TCF20: variants seen among roughly 807,000 people sequenced by gnomAD.
TCF20 encodes the protein transcription factor 20.
In TCF20, 3 loss-of-function variants were observed where a neutral mutation model predicts 148.6. The ratio of observed to expected loss-of-function variants is 0.02; its 90% CI spans 0.01 to 0.05. The LOEUF (loss-of-function observed/expected upper bound fraction) is 0.05, where lower values mean the gene tolerates loss of function less well. Among genes scored for constraint, TCF20 ranks in the 10% least tolerant of loss-of-function variants. The pLI, the probability that TCF20 is intolerant of heterozygous loss-of-function variation, is 1.00. For missense variants in TCF20, 2,350 were observed against 2,429.3 expected (o/e 0.97, Z 0.69); for synonymous variants, 1,049 against 909.5 (o/e 1.15, Z -2.76).
chr22:42,190,251 G>A (rs6002648), intron 2 of TCF20, among the ~76,000 whole-genome samples: 16 of 152,240 alleles, frequency 1.1e-4, no homozygotes, highest in African/African-American at 3.6e-4. Flanking sequence ...CTGAGGCCAG[G>A]AGTTCAAGAT....
At chr22:42,325,538 G>C (rs532801285) in intron 1 of TCF20, among the ~76,000 whole-genome samples, 1 of 152,224 alleles carries the variant, frequency 6.6e-6, no homozygotes, top group Non-Finnish European at 1.5e-5. Context: ...CACCAGCTCG[G>C]GGGGAGGGGA....
intron 1 of TCF20, among the ~76,000 whole-genome samples, chr22:42,249,004 G>A (rs1014935132): frequency 2.6e-5 from 4 of 152,204 alleles, no homozygotes; most frequent in African/African-American, 9.6e-5. Context: ...AGTAGGCAAG[G>A]AGAGCCCTCT....
intron 1 of TCF20, among the ~76,000 whole-genome samples, chr22:42,245,510 C>A (rs1924832440): frequency 6.6e-6 from 1 of 152,174 alleles, no homozygotes; most frequent in South Asian, 2.1e-4. Context: ...CTACTTCTCC[C>A]TTAAGAACTG....
chr22:42,236,996 T>C (rs1233814843), intron 1 of TCF20, among the ~76,000 whole-genome samples: 2 of 152,226 alleles, frequency 1.3e-5, no homozygotes, highest in Non-Finnish European at 2.9e-5. Flanking sequence ...TGATGGCTGC[T>C]GACTAATTAG....
chr22:42,261,064 A>G (rs1481656004), intron 1 of TCF20, among the ~76,000 whole-genome samples: 2 of 152,228 alleles, frequency 1.3e-5, no homozygotes, highest in East Asian at 1.9e-4. Flanking sequence ...TAGTACATAA[A>G]TAAGTTCTGC....
At chr22:42,166,308 T>C (rs1465426965) in intron 5 of TCF20, among the ~76,000 whole-genome samples, 2 of 152,118 alleles carry the variant, frequency 1.3e-5, no homozygotes, top group African/African-American at 2.4e-5. Context: ...ATGAAGCTCA[T>C]TGTTCTGTTC....
At chr22:42,165,645 T>C (rs1818350891) in intron 5 of TCF20, among the ~76,000 whole-genome samples, 1 of 152,196 alleles carries the variant, frequency 6.6e-6, no homozygotes, top group Non-Finnish European at 1.5e-5. Context: ...AAGCCTTGGG[T>C]ATTTTTTGCT....
intron 2 of TCF20, among the ~76,000 whole-genome samples, chr22:42,183,679 TAAC>T (rs1936894488): frequency 6.6e-6 from 1 of 152,196 alleles, no homozygotes; most frequent in Non-Finnish European, 1.5e-5. Context: ...AGAACTGTAT[TAAC>T]AAGTTTGTGG....
chr22:42,292,918 T>A lies in TCF20; in HGVS notation c.-37+50561A>T, dbSNP rs1927159185. 6.7e-6 allele frequency among the ~76,000 whole-genome samples: 1 copy of A among 149,782 alleles called. No homozygotes were observed. On this transcript the variant is annotated intron_variant, in intron 1 of 1. Transcript: ENST00000515426. This position sits in a 1 kb window ranked among gnomAD's most constrained non-coding sequence, Gnocchi z 4.9. ...CTGGATACTAGATCCCACATCCCCC[T>A]CCCACTCTGTCCTGCCCACCAGGAG...
chr22:42,222,477 G>C (rs1480445751), intron 1 of TCF20, among the ~76,000 whole-genome samples: 1 of 149,744 alleles, frequency 6.7e-6, no homozygotes, highest in African/African-American at 2.4e-5. Flanking sequence ...CTGCCATTTT[G>C]ACACCATCAC....
intron 1 of TCF20, among the ~76,000 whole-genome samples, chr22:42,244,764 G>GT (rs2147325995): frequency 6.6e-6 from 1 of 152,236 alleles, no homozygotes; most frequent in Non-Finnish European, 1.5e-5. Context: ...GATTAATTTT[G>GT]TCACGTGAAT....
chr22:42,324,005 CGGAGGTTATGGTGGTGGTGGTGGTGAT>C (rs1569209798), intron 1 of TCF20, among the ~76,000 whole-genome samples: 51 of 3,902 alleles, frequency 0.013, 2 homozygotes, highest in African/African-American at 0.043. Context: ...GAGGTGGTGG[CGGAGGTTATGGTGGTGGTGGTGGTGAT>C]GGAGGTTATG....
In TCF20 at chr22:42,212,107, T is replaced by A. The variant is rs747582821; in HGVS notation, c.3199A>T (p.Thr1067Ser). ...GGGTCCCCATAAGCATGAGCCCGAG[T>A]ATTTGCATGATAAGCAGAGGCCAGG... ...ETLASAYHAN[T>S]RAHAYGDPNA... is the part of the protein sequence containing the mutation. The change falls in exon 2 of 6, where the codon ACT (threonine) becomes TCT (serine). Residue 1067 changes from threonine (T) to serine (S), a missense_variant. Coordinates refer to ENST00000677622, the MANE Select transcript of TCF20 (RefSeq NM_001378418.1). The A allele has an allele frequency of 6.2e-7, 1 of 1,614,060 alleles. No individual in the cohort carries two copies. Among genetic ancestry groups the A allele is most frequent in the Non-Finnish European group, 8.5e-7 (1 of 1,180,002 alleles).
intron 1 of TCF20, among the ~76,000 whole-genome samples, chr22:42,296,437 C>G (rs1412784031): frequency 6.6e-6 from 1 of 152,240 alleles, no homozygotes; most frequent in Admixed American, 6.5e-5. Context: ...TGCAGCTGTG[C>G]CCGGCTCCCC....
intron 1 of TCF20, among the ~76,000 whole-genome samples, chr22:42,276,202 G>A (rs1379663294): frequency 4.6e-5 from 7 of 152,190 alleles, no homozygotes; most frequent in Non-Finnish European, 4.4e-5. Context: ...GCCTGAAACC[G>A]AAGCTTCCTG....
intron 1 of TCF20, among the ~76,000 whole-genome samples, chr22:42,296,791 C>G (rs1187952670): frequency 6.6e-6 from 1 of 152,250 alleles, no homozygotes; most frequent in Non-Finnish European, 1.5e-5. Flanking sequence ...AATCACGCTG[C>G]AGGGGGACCC....
Position 42,214,118 on chromosome 22 carries a change from G to C in TCF20, c.1188C>G (p.Leu396=). The C allele has an allele frequency of 6.2e-7, 1 of 1,614,170 alleles. No individual in the cohort carries two copies. The highest frequency in any genetic ancestry group is 8.5e-7 in the Non-Finnish European group (1 of 1,180,020). ...PSPLMQTGEN[L]QCGQGSVPMG... ...TAGGCACACTGCCTTGCCCACACTG[G>C]AGATTCTCCCCAGTCTGCATGAGAG... is the stretch of plus-strand genomic sequence containing the variant. Residue 396 remains leucine (L), a synonymous_variant, in exon 2 of 6, where the codon CTC becomes CTG. Coordinates refer to ENST00000677622, the MANE Select transcript of TCF20 (RefSeq NM_001378418.1).
chr22:42,250,510 G>A (rs1601661253), intron 1 of TCF20, among the ~76,000 whole-genome samples: 1 of 144,376 alleles, frequency 6.9e-6, no homozygotes, highest in Non-Finnish European at 1.5e-5. Flanking sequence ...TACTGTTTTT[G>A]TGAAAGATAA....
intron 1 of TCF20, among the ~76,000 whole-genome samples, chr22:42,282,665 C>T (rs762246698): frequency 1.3e-5 from 2 of 152,194 alleles, no homozygotes; most frequent in Non-Finnish European, 2.9e-5. Context: ...AATGATGGAA[C>T]GGTGACCCTG....
Sources: allele counts gnomAD v4.1 joint callset (sites outside exome capture counted in the v4.1 genomes callset), GRCh38; gene constraint gnomAD v4.1.1; non-coding constraint Gnocchi (gnomAD v3.1); transcripts MANE v1.5; gene names NCBI Gene and HGNC (gene_info 2026-07-23, HGNC 2026-07-21).